Variants in IPO5 observed in about 807,000 individuals in gnomAD.
IPO5 encodes the protein importin-5.
A neutral mutation model predicts 143.3 loss-of-function variants in IPO5; 18 were observed. The ratio of observed to expected loss-of-function variants is 0.13; its 90% CI spans 0.09 to 0.19. The LOEUF (loss-of-function observed/expected upper bound fraction) is 0.19. IPO5 is among the 10% of genes least tolerant of loss of function. IPO5 has a pLI of 1.00. For missense variants in IPO5, 1,013 were observed against 1,336.9 expected (o/e 0.76, Z 3.78); for synonymous variants, 477 against 465.7 (o/e 1.02, Z -0.31).
At chr13:97,982,922 G>A (rs1422876972) in intron 5 of IPO5, among the ~76,000 whole-genome samples, 1 of 152,250 alleles carries the variant, frequency 6.6e-6, no homozygotes, top group African/African-American at 2.4e-5. Flanking sequence ...CCAGGCTTGA[G>A]TGCACTGGCA....
chr13:97,962,050 A>T (rs57221482), intron 2 of IPO5, among the ~76,000 whole-genome samples: 2,083 of 152,172 alleles, frequency 0.014, 47 homozygotes, highest in African/African-American at 0.048. Context: ...AATCACTTGA[A>T]CCTGGGAGGC....
chr13:97,978,420 C>T (rs1886568613), intron 4 of IPO5, among the ~76,000 whole-genome samples: 2 of 152,126 alleles, frequency 1.3e-5, no homozygotes, highest in Admixed American at 1.3e-4. Flanking sequence ...GTGACCTGCT[C>T]TTTTAAAAAT....
rs1566584404 is a variant in IPO5 at position 98,022,756 on chromosome 13, A to G, written c.*934A>G. ...TTTTGTAGCTAAGATTGTTCTGATC[A>G]GCTCAAAAAGATTTGGCTTAGTGTT... On this transcript the variant is annotated 3_prime_UTR_variant, in exon 29 of 29. Coordinates refer to ENST00000651721, the MANE Select transcript of IPO5 (RefSeq NM_002271.6). The G allele has an allele frequency of 6.6e-6, 1 of 152,284 alleles. No homozygotes were observed. Among genetic ancestry groups the G allele is most frequent in the South Asian group, 2.1e-4 (1 of 4,832 alleles). The allele number at this position is 152,284 out of a possible 1,614,324, so 9.4% of individuals were successfully genotyped here. A position where few individuals can be genotyped will look rare whatever the true frequency, so the allele number is the denominator to read the frequency against.
intron 3 of IPO5, 74 bp from the exon 4 acceptor site, chr13:97,976,613 GCCCGCC>G: frequency 4.5e-6 from 2 of 442,262 alleles, no homozygotes. Context: ...CCCGCGCTGG[GCCCGCC>G]CCCGCCCCTC....
intron 2 of IPO5, among the ~76,000 whole-genome samples, chr13:97,961,314 A>G (rs1884863123): frequency 6.6e-6 from 1 of 152,142 alleles, no homozygotes; most frequent in Non-Finnish European, 1.5e-5. Flanking sequence ...GTGTCAACAT[A>G]TGTTGTCTTT....
chr13:98,015,863 G>A (rs772933075), intron 24 of IPO5, 82 bp downstream of exon 24: 1 of 831,772 alleles, frequency 1.2e-6, no homozygotes. Context: ...TGATTTATGT[G>A]ACTTGTCATT....
chr13:97,985,679 A>G, intron 6 of IPO5, 66 bp downstream of exon 6: 1 of 834,232 alleles, frequency 1.2e-6, no homozygotes, highest in Admixed American at 2.1e-5. Context: ...TTTTTTTTTA[A>G]TGGAATCTTT....
chr13:97,977,063 G>T, intron 4 of IPO5: 1 of 177,128 alleles, frequency 5.6e-6, no homozygotes, highest in Non-Finnish European at 1.2e-5. Flanking sequence ...TCCAGGTGTG[G>T]GGTGCCGGGC....
chr13:98,018,971 C>CTT (rs35835887), intron 26 of IPO5, among the ~76,000 whole-genome samples: 2 of 149,040 alleles, frequency 1.3e-5, no homozygotes, highest in East Asian at 2.0e-4. Flanking sequence ...TAGAATAGGA[C>CTT]TTTTTTTTTT....
intron 2 of IPO5, among the ~76,000 whole-genome samples, chr13:97,969,461 C>T (rs2139549659): frequency 6.6e-6 from 1 of 152,088 alleles, no homozygotes; most frequent in South Asian, 2.1e-4. Flanking sequence ...GGATTATAGG[C>T]GTGAGCCACT....
intron 13 of IPO5, 159 bp from the exon 14 acceptor site, chr13:98,002,308 C>T (rs1888870021): frequency 1.2e-5 from 7 of 571,492 alleles, no homozygotes; most frequent in East Asian, 6.4e-5. Flanking sequence ...AGCCACCGCG[C>T]CCGGCCTATA....
chr13:98,020,049 G>A, intron 27 of IPO5: 1 of 340,996 alleles, frequency 2.9e-6, no homozygotes, highest in Non-Finnish European at 5.3e-6. Context: ...AACAGATGAG[G>A]CACTTTAATT....
At chr13:98,011,694 A>G (rs1289859309) in intron 20 of IPO5, among the ~76,000 whole-genome samples, 1 of 151,990 alleles carries the variant, frequency 6.6e-6, no homozygotes, top group Non-Finnish European at 1.5e-5. Context: ...TTTAGTAGAG[A>G]CGGGGTTTCA....
intron 22 of IPO5, among the ~76,000 whole-genome samples, chr13:98,014,731 A>G (rs1490130365): frequency 1.1e-4 from 16 of 152,198 alleles, no homozygotes; most frequent in Non-Finnish European, 2.1e-4. Context: ...GAAAAAGAGA[A>G]GAAATTCTGA....
intron 3 of IPO5, among the ~76,000 whole-genome samples, chr13:97,971,773 A>C (rs1263673344): frequency 3.3e-5 from 5 of 152,048 alleles, no homozygotes; most frequent in Admixed American, 2.6e-4. Flanking sequence ...ATATAGCAAG[A>C]CCCCATCTCT....
chr13:98,003,621 A>G (rs961549280), intron 16 of IPO5, among the ~76,000 whole-genome samples: 39 of 152,110 alleles, frequency 2.6e-4, no homozygotes, highest in Admixed American at 6.6e-5. Flanking sequence ...AGGCTGAGGC[A>G]GGTGGATCAC....
intron 22 of IPO5, 93 bp downstream of exon 22, chr13:98,014,307 T>A: frequency 1.1e-6 from 1 of 898,234 alleles, no homozygotes; most frequent in Non-Finnish European, 1.7e-6. Context: ...AGACAGGGTA[T>A]TGCTCTGTCA....
intron 6 of IPO5, chr13:97,987,931 A>T (rs1887504729): frequency 3.9e-6 from 1 of 255,922 alleles, no homozygotes; most frequent in South Asian, 3.5e-5. Context: ...TTTCCAAAGT[A>T]TTCAAAGTGC....
At chr13:97,996,334 C>T (rs958164804) in intron 11 of IPO5, among the ~76,000 whole-genome samples, 4 of 152,078 alleles carry the variant, frequency 2.6e-5, no homozygotes, top group Admixed American at 2.0e-4. Context: ...AACAGGTGTG[C>T]ACCAGCAGGC....
Sources: allele counts gnomAD v4.1 joint callset (sites outside exome capture counted in the v4.1 genomes callset), GRCh38; gene constraint gnomAD v4.1.1; transcripts MANE v1.5; gene names NCBI Gene and HGNC (gene_info 2026-07-23, HGNC 2026-07-21).